The following ZNF790 variants were observed in gnomAD, a reference collection of about 807,000 sequenced individuals.
ZNF790 encodes zinc finger protein 790.
In ZNF790, 8 loss-of-function variants were observed where a neutral mutation model predicts 12.1. The observed-to-expected ratio is 0.66, with a 90% CI of 0.39 to 1.19. The LOEUF is 1.19. Among genes scored for constraint, ZNF790 ranks in the 50% most tolerant of loss-of-function variants. The probability of loss-of-function intolerance (pLI) is 0.01; values close to 1 mark genes in which losing one functional copy is unlikely to be tolerated. For missense variants in ZNF790, 707 were observed against 752.2 expected, an observed-to-expected ratio of 0.94 and a Z score of 0.70; for synonymous variants, 252 against 244.3, an observed-to-expected ratio of 1.03 and a Z score of -0.29.
chr19:36,834,786 CGTATT>C (rs2072010045), intron 1 of ZNF790, among the ~76,000 whole-genome samples: 2 of 152,134 alleles, frequency 1.3e-5, no homozygotes, highest in African/African-American at 2.4e-5. Flanking sequence ...ATGAGAATAA[CGTATT>C]GTCTGTATAT....
At chr19:36,850,187 TAGTC>T (rs997928309) in exon 1 of ZNF790, 15 of 152,362 alleles carry the variant, frequency 9.8e-5, no homozygotes, top group African/African-American at 3.6e-4. Flanking sequence ...GGGGCACAGT[TAGTC>T]TGGTCACTGC....
chr19:36,847,516 G>A (rs1333139390), intron 1 of ZNF790, among the ~76,000 whole-genome samples: 4 of 151,470 alleles, frequency 2.6e-5, no homozygotes, highest in Admixed American at 1.3e-4. Flanking sequence ...TTGGGAGGCC[G>A]AGGCGGGTGG....
chr19:36,830,221 A>G (rs1413552369), intron 1 of ZNF790, among the ~76,000 whole-genome samples: 1 of 152,076 alleles, frequency 6.6e-6, no homozygotes, highest in Admixed American at 6.5e-5. Flanking sequence ...AGTTTGTAGA[A>G]TGTGTATGTT....
chr19:36,837,745 T>C (rs896144797), intron 1 of ZNF790: 1 of 152,228 alleles, frequency 6.6e-6, no homozygotes, highest in Non-Finnish European at 1.5e-5. Context: ...TCCCCAGCCG[T>C]CTTCCCCAGC....
intron 4 of ZNF790, among the ~76,000 whole-genome samples, chr19:36,822,584 A>G (rs576539741): frequency 2.0e-5 from 3 of 152,376 alleles, no homozygotes; most frequent in Admixed American, 1.3e-4. Context: ...ACTCCAGCCC[A>G]GGCTAGAGTG....
chr19:36,826,238 A>C (rs111861954), intron 1 of ZNF790, among the ~76,000 whole-genome samples: 2,240 of 152,190 alleles, frequency 0.015, 44 homozygotes, highest in African/African-American at 0.05. Flanking sequence ...CCAAAGATGG[A>C]AGGAAGGCTG....
chr19:36,829,411 T>G (rs1197369360), intron 1 of ZNF790, among the ~76,000 whole-genome samples: 1 of 152,220 alleles, frequency 6.6e-6, no homozygotes, highest in Non-Finnish European at 1.5e-5. Flanking sequence ...CTGGCTTCTT[T>G]CACGTAGCAT....
Position 36,823,333 on chromosome 19 carries a change from T to C in ZNF790, c.181A>G (p.Lys61Glu), listed in dbSNP as rs775659107. 2 of 1,614,160 alleles carry C rather than the reference T, an allele frequency of 1.2e-6. No homozygotes were observed. The highest frequency in any genetic ancestry group is 8.5e-7 in the Non-Finnish European group (1 of 1,180,034). The change falls in exon 4 of 5, where the codon AAA becomes GAA. Residue 61 changes from lysine to glutamate, a missense_variant. Lys to Glu is a moderately conservative substitution (Grantham distance 56, BLOSUM62 1). Coordinates refer to ENST00000356725, the MANE Select transcript of ZNF790 (RefSeq NM_206894.4). ...PEAFSLLEKG[K>E]EPWKILRDET... ...TCCCTCAAAATCTTCCAGGGCTCTT[T>C]CCCTTTCTCCAATAAAGAGAACGCT... is the stretch of plus-strand genomic sequence containing the variant.
intron 1 of ZNF790, among the ~76,000 whole-genome samples, chr19:36,844,645 T>A (rs1012059288): frequency 6.6e-6 from 1 of 151,050 alleles, no homozygotes; most frequent in South Asian, 2.1e-4. Flanking sequence ...AGAAAAAAAA[T>A]ATATATAACC....
chr19:36,824,505 G>A (rs747773787), intron 2 of ZNF790, among the ~76,000 whole-genome samples: 33 of 151,690 alleles, frequency 2.2e-4, no homozygotes, highest in Non-Finnish European at 4.1e-4. Context: ...ACAGGGTTTC[G>A]CAATGTTGGC....
intron 2 of ZNF790, 65 bp from the exon 3 acceptor site, chr19:36,823,855 G>A (rs547407392): frequency 1.4e-6 from 2 of 1,459,618 alleles, no homozygotes; most frequent in African/African-American, 2.9e-5. Flanking sequence ...AATCCCTATA[G>A]ATGAAAGGGG....
At position 36,819,911 on chromosome 19, in the gene ZNF790, A is replaced by G; in HGVS notation, c.433T>C (p.Cys145Arg). 6.2e-7 allele frequency: 1 copy of G among 1,614,166 alleles called. No homozygotes were observed. Among genetic ancestry groups the G allele is most frequent in the Non-Finnish European group, 8.5e-7 (1 of 1,180,024 alleles). The change falls in exon 5 of 5, where the codon TGT becomes CGT. Residue 145 changes from cysteine (C) to arginine (R), a missense_variant. By Grantham distance (180) the Cys-to-Arg change is radical. Transcript: ENST00000356725. ...TGGTTAAAAGTGGGCCTTTTTTCAC[A>G]GGTGCGTATCACCTGCTTGAAGCAT... ...EECFKQVIRT[C>R]EKRPTFNQHT...
chr19:36,844,366 CCAAACAA>C (rs1195391072), intron 1 of ZNF790, among the ~76,000 whole-genome samples: 1 of 150,556 alleles, frequency 6.6e-6, no homozygotes, highest in Non-Finnish European at 1.5e-5. Flanking sequence ...CCCCCAAACT[CCAAACAA>C]CAAACAAACA....
chr19:36,829,342 C>G (rs1215341304), intron 1 of ZNF790, among the ~76,000 whole-genome samples: 1 of 152,208 alleles, frequency 6.6e-6, no homozygotes, highest in Admixed American at 6.5e-5. Context: ...CTTTCTGACT[C>G]TATGGATTTT....
chr19:36,822,875 G>GC (rs2071705841), intron 4 of ZNF790, among the ~76,000 whole-genome samples: 2 of 151,384 alleles, frequency 1.3e-5, no homozygotes, highest in Non-Finnish European at 2.9e-5. Flanking sequence ...CCCTGAGACA[G>GC]AGTCTCACTC....
In ZNF790 at chr19:36,818,523, G is replaced by C. The variant is rs1426677640; in HGVS notation, c.1821C>G (p.His607Gln). 1 of 1,600,950 alleles carries C rather than the reference G, an allele frequency of 6.2e-7. No individual in the cohort carries two copies. Among genetic ancestry groups the C allele is most frequent in the Non-Finnish European group, 8.5e-7 (1 of 1,169,686 alleles). Reference protein sequence around the residue: ...TFSHESNFAQHQNIYTFEKSY... With the variant: ...TFSHESNFAQQQNIYTFEKSY... ...ATTTCTCAAAAGTGTAAATATTCTG[G>C]TGTTGAGCAAAGTTTGACTCATGAC... The change falls in exon 5 of 5, where the codon CAC becomes CAG. Residue 607 changes from histidine (H) to glutamine (Q), a missense_variant. Coordinates refer to ENST00000356725, the MANE Select transcript of ZNF790 (RefSeq NM_206894.4).
intron 1 of ZNF790, among the ~76,000 whole-genome samples, chr19:36,828,281 T>C (rs1341812646): frequency 6.6e-6 from 1 of 151,958 alleles, no homozygotes; most frequent in Non-Finnish European, 1.5e-5. Context: ...CTGACCAACA[T>C]GGACAAACCT....
At chr19:36,820,242 A>G in intron 4 of ZNF790, 128 bp from the exon 5 acceptor site, 1 of 964,192 alleles carries the variant, frequency 1.0e-6, no homozygotes, top group Non-Finnish European at 1.5e-6. Context: ...ATTCTCAAAT[A>G]TGAGCAATAT....
rs1243703563 is a variant in ZNF790 at position 36,838,104 on chromosome 19, GCGCACA to G, written c.-74+227_-74+232del. The stretch of plus-strand genomic sequence containing the variant: ...GCCTGTCAACGTCGTGTGCGCGTGC[GCGCACA>G]CACACACACACACACACATACACAC... On this transcript the variant is annotated intron_variant, in intron 1 of 4. Coordinates refer to ENST00000356725, the MANE Select transcript of ZNF790 (RefSeq NM_206894.4). The surrounding 1 kb of genome is among the most constrained non-coding windows in gnomAD (Gnocchi z 4.4). 2.5e-3 allele frequency: 100 copies of G among 39,668 alleles called. No homozygotes were observed. Among genetic ancestry groups the G allele is most frequent in the African/African-American group, 0.011 (74 of 6,852 alleles). 2.5% of individuals were successfully genotyped at this position (39,668 alleles called of 1,614,324 possible).
Sources: gnomAD v4.1 joint callset for allele counts (sites outside exome capture counted in the v4.1 genomes callset) on GRCh38, gnomAD v4.1.1 for gene constraint, Gnocchi (gnomAD v3.1) non-coding constraint, MANE v1.5 for transcripts, NCBI Gene and HGNC (gene_info 2026-07-23, HGNC 2026-07-21) for gene names.